ATP6V0D2: variants seen among roughly 807,000 people sequenced by gnomAD.
ATP6V0D2 encodes V-type proton ATPase subunit d 2.
In ATP6V0D2, 40 loss-of-function variants were observed where a neutral mutation model predicts 40.0. The observed-to-expected ratio is 1.00, with a 90% CI of 0.78 to 1.30. The LOEUF (loss-of-function observed/expected upper bound fraction) is 1.30. Ranked by LOEUF, ATP6V0D2 falls within the 50% of genes most tolerant of loss-of-function variation. ATP6V0D2 has a pLI of 0.00. For synonymous variants in ATP6V0D2, 179 were observed against 156.3 expected (o/e 1.15, Z -1.08); for missense variants, 470 against 423.1 (o/e 1.11, Z -0.97).
intron 2 of ATP6V0D2, among the ~76,000 whole-genome samples, chr8:86,137,436 A>G (rs1331624288): frequency 6.6e-6 from 1 of 152,164 alleles, no homozygotes; most frequent in Non-Finnish European, 1.5e-5. Flanking sequence ...AGAACTCTCT[A>G]CATGCACTCT....
At chr8:86,128,779 C>T (rs1818778955) in intron 2 of ATP6V0D2, among the ~76,000 whole-genome samples, 1 of 152,196 alleles carries the variant, frequency 6.6e-6, no homozygotes. Flanking sequence ...TATCTTAACA[C>T]TATTGAGTAA....
In ATP6V0D2 at chr8:86,151,355, T is replaced by A; in HGVS notation, c.817-111T>A. 5.1e-6 allele frequency: 4 copies of A among 781,038 alleles called. No homozygotes were observed. In the East Asian group the frequency reaches 8.9e-5, roughly 17 times the overall value. 48.4% of individuals were successfully genotyped at this position (781,038 alleles called of 1,614,324 possible). On this transcript the variant is annotated intron_variant, in intron 6 of 7. Coordinates refer to ENST00000285393, the MANE Select transcript of ATP6V0D2 (RefSeq NM_152565.1). ...CCTATAAAAAAACATTCAGTCCTCC[T>A]GGTATTTTTTTTTAAATAGGTACAC...
chr8:86,104,371 A>C (rs746581534), intron 1 of ATP6V0D2, among the ~76,000 whole-genome samples: 1 of 152,176 alleles, frequency 6.6e-6, no homozygotes. Flanking sequence ...TGGAACATTC[A>C]CATAATGGAA....
chr8:86,113,443 C>T (rs747489793), intron 1 of ATP6V0D2, among the ~76,000 whole-genome samples: 1 of 152,162 alleles, frequency 6.6e-6, no homozygotes, highest in Admixed American at 6.5e-5. Flanking sequence ...GATCGCACCA[C>T]GGCACTCCTG....
chr8:86,138,381 T>C (rs1435360107), intron 2 of ATP6V0D2, among the ~76,000 whole-genome samples: 2 of 152,240 alleles, frequency 1.3e-5, no homozygotes, highest in Non-Finnish European at 2.9e-5. Context: ...TTGTGATTTG[T>C]TGTAAATGAT....
chr8:86,151,762 T>C (rs1819157130), intron 7 of ATP6V0D2, among the ~76,000 whole-genome samples: 1 of 151,200 alleles, frequency 6.6e-6, no homozygotes, highest in African/African-American at 2.4e-5. Flanking sequence ...TTTCTTTTTT[T>C]TTTTTTTTTT....
chr8:86,116,634 T>G (rs1253702970), intron 2 of ATP6V0D2, among the ~76,000 whole-genome samples: 1 of 152,208 alleles, frequency 6.6e-6, no homozygotes, highest in East Asian at 1.9e-4. Context: ...TGCAATTAGC[T>G]TATTTCCTAC....
chr8:86,146,265 A>G (rs1819066597), intron 5 of ATP6V0D2, among the ~76,000 whole-genome samples: 1 of 152,214 alleles, frequency 6.6e-6, no homozygotes. Context: ...AATGTAAAAA[A>G]AGGATAGTAT....
chr8:86,149,077 C>CAAAAAAAAAAA (rs1819109621), intron 5 of ATP6V0D2, among the ~76,000 whole-genome samples: 3 of 35,772 alleles, frequency 8.4e-5, no homozygotes, highest in Non-Finnish European at 1.2e-4. Flanking sequence ...AAAAAAAAAC[C>CAAAAAAAAAAA]AATGAACAAG....
rs1483779 is a variant in ATP6V0D2, at chr8:86,142,865, T to C, written c.562-12T>C. On this transcript the variant is annotated splice_polypyrimidine_tract_variant and intron_variant, in intron 4 of 7. Transcript: ENST00000285393. ...TTCATTATATCACTTTATGATCTTT[T>C]TTCTTTTTAAGTCTTACCTTGAGGC... 1,315,630 of 1,539,522 alleles carry C rather than the reference T, an allele frequency of 0.85. 563,669 individuals carry two copies. Among genetic ancestry groups the C allele is most frequent in the African/African-American group, 0.91 (66,302 of 73,096 alleles).
At chr8:86,110,014 C>T (rs982152369) in intron 1 of ATP6V0D2, among the ~76,000 whole-genome samples, 2 of 152,212 alleles carry the variant, frequency 1.3e-5, no homozygotes, top group African/African-American at 4.8e-5. Flanking sequence ...ATTCTCACCT[C>T]CCCTTCTCTA....
chr8:86,141,513 G>C lies in ATP6V0D2; in HGVS notation c.545G>C (p.Arg182Pro). 1.2e-6 allele frequency: 2 copies of C among 1,604,354 alleles called. No homozygotes were observed. Among genetic ancestry groups the C allele is most frequent in the South Asian group, 1.1e-5 (1 of 90,522 alleles). ...GATGAACTGAATATTGAATTGCTAC[G>C]CAATAAACTATACAAGGTAATGGTT... ...ALDELNIELL[R>P]NKLYKSYLEA... Residue 182 changes from arginine to proline, a missense_variant, in exon 4 of 8, where the codon CGC (arginine) becomes CCC (proline). Physicochemically the swap from Arg to Pro is moderately radical, Grantham distance 103. Coordinates refer to ENST00000285393, the MANE Select transcript of ATP6V0D2 (RefSeq NM_152565.1).
At chr8:86,140,280 T>C (rs112229255) in intron 3 of ATP6V0D2, among the ~76,000 whole-genome samples, 64 of 152,338 alleles carry the variant, frequency 4.2e-4, no homozygotes, top group African/African-American at 1.4e-3. Context: ...CAATTCACTA[T>C]TGATCGTTTG....
chr8:86,127,886 A>G (rs1230874676), intron 2 of ATP6V0D2, among the ~76,000 whole-genome samples: 2 of 152,182 alleles, frequency 1.3e-5, no homozygotes, highest in African/African-American at 4.8e-5. Flanking sequence ...TCCTAGGTAG[A>G]AAGGAAACCT....
chr8:86,141,234 G>A (rs1818967079), intron 3 of ATP6V0D2, among the ~76,000 whole-genome samples: 1 of 152,168 alleles, frequency 6.6e-6, no homozygotes, highest in African/African-American at 2.4e-5. Context: ...GGGGGTTGGG[G>A]ACCCCTGGTT....
chr8:86,108,663 G>A (rs73257318), intron 1 of ATP6V0D2, among the ~76,000 whole-genome samples: 3,271 of 152,174 alleles, frequency 0.021, 116 homozygotes, highest in African/African-American at 0.075. Context: ...TCAAACTCCT[G>A]GGCTCAGCAA....
chr8:86,149,053 AAG>A (rs1307083752), intron 5 of ATP6V0D2, among the ~76,000 whole-genome samples: 1 of 25,056 alleles, frequency 4.0e-5, no homozygotes, highest in Non-Finnish European at 9.8e-5. Flanking sequence ...TCTCCAAAGG[AAG>A]AAAAAAAAAA....
intron 2 of ATP6V0D2, among the ~76,000 whole-genome samples, chr8:86,133,322 T>A (rs1164249626): frequency 1.5e-5 from 2 of 129,658 alleles, no homozygotes; most frequent in Non-Finnish European, 3.2e-5. Flanking sequence ...AAGTCTTTTT[T>A]TTTTTTTTTT....
chr8:86,109,035 T>C (rs1046732311), intron 1 of ATP6V0D2, among the ~76,000 whole-genome samples: 2 of 152,234 alleles, frequency 1.3e-5, no homozygotes, highest in African/African-American at 4.8e-5. Flanking sequence ...ATTTTCCTTA[T>C]TTTAATAAAA....
Sources: gnomAD v4.1 joint callset for allele counts (sites outside exome capture counted in the v4.1 genomes callset) on GRCh38, gnomAD v4.1.1 for gene constraint, MANE v1.5 for transcripts, NCBI Gene and HGNC (gene_info 2026-07-23, HGNC 2026-07-21) for gene names.